The following AGMO variants were observed in gnomAD, a reference collection of about 807,000 sequenced individuals.
AGMO encodes the protein alkylglycerol monooxygenase, also known as glyceryl-ether monooxygenase.
AGMO carries 75 observed loss-of-function variants against 60.2 expected under a neutral mutation model. That is an observed-to-expected ratio of 1.25 (90% CI 1.03 to 1.51). The LOEUF (loss-of-function observed/expected upper bound fraction) is 1.51, where lower values mean the gene tolerates loss of function less well. Ranked by LOEUF, AGMO falls within the 40% of genes most tolerant of loss-of-function variation. The pLI is 0.00. For missense variants in AGMO, 763 were observed against 525.5 expected, an observed-to-expected ratio of 1.45 and a Z score of -4.42; for synonymous variants, 261 against 177.1, an observed-to-expected ratio of 1.47 and a Z score of -3.76.
the AGMO span, among the ~76,000 whole-genome samples, chr7:15,183,708 G>T: frequency 8.7e-4 from 133 of 152,298 alleles, no homozygotes; most frequent in African/African-American, 3.0e-3. Context: ...AGGATTCAAT[G>T]AGTTAAGACA....
intron 12 of AGMO, among the ~76,000 whole-genome samples, chr7:15,286,029 A>G (rs1475066345): frequency 6.6e-6 from 1 of 152,194 alleles, no homozygotes; most frequent in Non-Finnish European, 1.5e-5. Context: ...CATATGTAGA[A>G]GAATAAAACT....
the AGMO span, among the ~76,000 whole-genome samples, chr7:15,156,113 C>T: frequency 6.6e-6 from 1 of 152,144 alleles, no homozygotes; most frequent in Non-Finnish European, 1.5e-5. Flanking sequence ...ATATGCACAC[C>T]AGTAGAGTGG....
At position 15,218,270 on chromosome 7, in the gene AGMO, T is replaced by C. The variant is rs1781805182; in HGVS notation, c.1264-16911A>G. Among the ~76,000 whole-genome samples, 3 of 152,142 alleles carry C rather than the reference T, an allele frequency of 2.0e-5. 1 individual carries two copies. In the South Asian group the frequency reaches 6.2e-4, roughly 32 times the overall value. ...ATTAAGGATATATAGTGAATAGAACTATATCTTCCTTCAGAGGAATGAGAG... is the reference window on the plus strand; with the variant it reads ...ATTAAGGATATATAGTGAATAGAACCATATCTTCCTTCAGAGGAATGAGAG... On this transcript the variant is annotated intron_variant, in intron 12 of 12. Coordinates refer to ENST00000342526, the MANE Select transcript of AGMO (RefSeq NM_001004320.2).
At chr7:15,150,527 T>C in the AGMO span, among the ~76,000 whole-genome samples, 2 of 152,130 alleles carry the variant, frequency 1.3e-5, no homozygotes, top group African/African-American at 2.4e-5. Context: ...ATGTTGAATT[T>C]TATTGAAAGC....
At chr7:15,382,666 G>C (rs1424974486) in intron 10 of AGMO, among the ~76,000 whole-genome samples, 1 of 152,192 alleles carries the variant, frequency 6.6e-6, no homozygotes, top group Non-Finnish European at 1.5e-5. Context: ...AGGAATTAGA[G>C]AAGCCCTTTT....
At chr7:15,341,053 C>T (rs1278093827) in intron 12 of AGMO, among the ~76,000 whole-genome samples, 1 of 152,130 alleles carries the variant, frequency 6.6e-6, no homozygotes, top group African/African-American at 2.4e-5. Context: ...TCAGAGTAAC[C>T]TGGATATGAG....
intron 12 of AGMO, among the ~76,000 whole-genome samples, chr7:15,317,929 A>G (rs894048794): frequency 3.0e-5 from 4 of 135,320 alleles, no homozygotes; most frequent in East Asian, 2.0e-4. Context: ...ACACACACGT[A>G]TATATATATA....
intron 3 of AGMO, among the ~76,000 whole-genome samples, chr7:15,544,265 A>G (rs1191835877): frequency 6.6e-6 from 1 of 152,134 alleles, no homozygotes; most frequent in African/African-American, 2.4e-5. Flanking sequence ...CAATGGGTAC[A>G]GGGTACAATG....
At chr7:15,332,412 T>C (rs1276355368) in intron 12 of AGMO, among the ~76,000 whole-genome samples, 1 of 152,184 alleles carries the variant, frequency 6.6e-6, no homozygotes, top group Non-Finnish European at 1.5e-5. Flanking sequence ...CTTCATGGAA[T>C]GAAGCTAAAA....
At chr7:15,229,878 T>G (rs961763259) in intron 12 of AGMO, among the ~76,000 whole-genome samples, 1 of 151,240 alleles carries the variant, frequency 6.6e-6, no homozygotes, top group Admixed American at 6.6e-5. Context: ...CTAGATGTTA[T>G]TCTGTAAAAG....
the AGMO span, among the ~76,000 whole-genome samples, chr7:15,188,467 TA>T: frequency 6.6e-6 from 1 of 152,216 alleles, no homozygotes; most frequent in Non-Finnish European, 1.5e-5. Flanking sequence ...ATACTTGTAC[TA>T]AACATAAGTA....
chr7:15,308,044 G>C (rs1237341323), intron 12 of AGMO, among the ~76,000 whole-genome samples: 1 of 152,134 alleles, frequency 6.6e-6, no homozygotes, highest in East Asian at 1.9e-4. Context: ...CTCCAGGCTT[G>C]CTGGTCCTCA....
intron 3 of AGMO, among the ~76,000 whole-genome samples, chr7:15,523,914 G>C (rs1198284517): frequency 6.6e-6 from 1 of 152,154 alleles, no homozygotes; most frequent in Non-Finnish European, 1.5e-5. Flanking sequence ...TATGGTCATA[G>C]TAAGGTTGAG....
chr7:15,217,009 T>C (rs1016519741), intron 12 of AGMO, among the ~76,000 whole-genome samples: 1 of 152,044 alleles, frequency 6.6e-6, no homozygotes, highest in African/African-American at 2.4e-5. Context: ...TATAAATAAA[T>C]ACATCATTTG....
intron 3 of AGMO, among the ~76,000 whole-genome samples, chr7:15,518,641 G>A (rs1232739775): frequency 2.0e-5 from 3 of 151,888 alleles, no homozygotes; most frequent in African/African-American, 7.3e-5. Flanking sequence ...AACAAAAAGG[G>A]CGACCACTCA....
At chr7:15,386,820 G>A (rs1482126077) in intron 9 of AGMO, among the ~76,000 whole-genome samples, 1 of 152,172 alleles carries the variant, frequency 6.6e-6, no homozygotes, top group Non-Finnish European at 1.5e-5. Flanking sequence ...CCCCAGAAGA[G>A]TAATTTTGGG....
At chr7:15,493,616 C>T (rs1783136680) in intron 3 of AGMO, among the ~76,000 whole-genome samples, 1 of 151,852 alleles carries the variant, frequency 6.6e-6, no homozygotes, top group African/African-American at 2.4e-5. Context: ...ACCTCGTGAT[C>T]CGCCCGCCTC....
intron 12 of AGMO, among the ~76,000 whole-genome samples, chr7:15,233,014 G>C (rs1486630285): frequency 6.6e-6 from 1 of 152,114 alleles, no homozygotes; most frequent in Non-Finnish European, 1.5e-5. Flanking sequence ...TGATTGCATA[G>C]ATGGAATTTT....
chr7:15,316,115 A>C (rs1415997347), intron 12 of AGMO, among the ~76,000 whole-genome samples: 1 of 152,216 alleles, frequency 6.6e-6, no homozygotes, highest in Non-Finnish European at 1.5e-5. Context: ...CAGCCACTAG[A>C]AATAGAAGTC....
Sources: allele counts gnomAD v4.1 joint callset (sites outside exome capture counted in the v4.1 genomes callset), GRCh38; gene constraint gnomAD v4.1.1; transcripts MANE v1.5; gene names NCBI Gene and HGNC (gene_info 2026-07-23, HGNC 2026-07-21).